SBF2: variants seen among roughly 807,000 people sequenced by gnomAD.
SBF2 encodes the protein SET binding factor 2, also known as myotubularin-related protein 13.
In SBF2, 112 loss-of-function variants were observed where a neutral mutation model predicts 225.2. The observed-to-expected ratio is 0.50, with a 90% confidence interval of 0.43 to 0.58. SBF2 has a LOEUF of 0.58. SBF2 is among the 20% of genes least tolerant of loss of function. The pLI is 0.00. For synonymous variants in SBF2, 763 were observed against 773.3 expected (o/e 0.99, Z 0.22); for missense variants, 1,996 against 2,206.2 (o/e 0.90, Z 1.91).
In SBF2 at chr11:10,129,086, A is replaced by T. The variant is rs569281864; in HGVS notation, c.141+64816T>A. On this transcript the variant is annotated intron_variant, in intron 2 of 39. Transcript: ENST00000256190. The stretch of plus-strand genomic sequence containing the variant: ...TGAGAAAAATGGTTTTGTTATTTGC[A>T]CGCAATTTTCTCTCTTTTTTTTTTT... Among the ~76,000 whole-genome samples the T allele has an allele frequency of 2.9e-4, 42 of 144,738 alleles. 1 individual carries two copies. The East Asian group carries it at 8.5e-3, about 29-fold the overall frequency. 95.0% of individuals were successfully genotyped at this position (144,738 alleles called of 152,430 possible).
chr11:10,132,530 T>C, intron 2 of SBF2, among the ~76,000 whole-genome samples: 1 of 147,810 alleles, frequency 6.8e-6, no homozygotes, highest in Non-Finnish European at 1.5e-5. Flanking sequence ...GTGTTACAGC[T>C]CTTAAGGCAG....
chr11:10,291,831 T>C (rs917622096), intron 1 of SBF2, among the ~76,000 whole-genome samples: 6 of 152,216 alleles, frequency 3.9e-5, no homozygotes, highest in Non-Finnish European at 7.3e-5. Context: ...ATTACTTATA[T>C]CAAGTAATCA....
At chr11:9,894,772 G>C (rs1468146183) in intron 17 of SBF2, among the ~76,000 whole-genome samples, 1 of 152,124 alleles carries the variant, frequency 6.6e-6, no homozygotes, top group Admixed American at 6.5e-5. Context: ...CCTGAGGTCA[G>C]GAGTTTGAGA....
At chr11:10,038,484 T>C (rs1949530854) in intron 3 of SBF2, among the ~76,000 whole-genome samples, 1 of 152,022 alleles carries the variant, frequency 6.6e-6, no homozygotes, top group Non-Finnish European at 1.5e-5. Context: ...TTAGCTCTTA[T>C]TAAAATGTCC....
At chr11:9,940,330 GGGAGGC>G (rs1865177483) in intron 16 of SBF2, among the ~76,000 whole-genome samples, 1 of 152,132 alleles carries the variant, frequency 6.6e-6, no homozygotes, top group Admixed American at 6.5e-5. Flanking sequence ...GTGTGAACCT[GGGAGGC>G]GGAGCTTGCA....
intron 2 of SBF2, among the ~76,000 whole-genome samples, chr11:10,146,707 G>C (rs954918723): frequency 6.6e-6 from 1 of 151,956 alleles, no homozygotes; most frequent in Non-Finnish European, 1.5e-5. Context: ...TGCAACAAAA[G>C]AAAAATTGAC....
At chr11:10,052,202 A>G (rs906812247) in intron 2 of SBF2, among the ~76,000 whole-genome samples, 4 of 152,056 alleles carry the variant, frequency 2.6e-5, no homozygotes, top group Non-Finnish European at 4.4e-5. Flanking sequence ...AAATGTTTAG[A>G]ATCGACTGTC....
intron 2 of SBF2, among the ~76,000 whole-genome samples, chr11:10,082,518 G>A (rs991063364): frequency 3.3e-5 from 5 of 152,012 alleles, no homozygotes; most frequent in Non-Finnish European, 5.9e-5. Flanking sequence ...TCAACAGCAC[G>A]TCAAAAGGAT....
intron 32 of SBF2, among the ~76,000 whole-genome samples, chr11:9,804,928 A>C (rs1853711127): frequency 6.6e-6 from 1 of 152,122 alleles, no homozygotes; most frequent in African/African-American, 2.4e-5. Flanking sequence ...GAATCTGGCA[A>C]CCAATAATTT....
chr11:10,181,014 A>G (rs1293216688), intron 2 of SBF2, among the ~76,000 whole-genome samples: 1 of 151,946 alleles, frequency 6.6e-6, no homozygotes, highest in African/African-American at 2.4e-5. Flanking sequence ...AAAGCTGCCA[A>G]CTCTCTAAGC....
At chr11:9,984,809 A>C (rs896512921) in intron 13 of SBF2, among the ~76,000 whole-genome samples, 2 of 152,214 alleles carry the variant, frequency 1.3e-5, no homozygotes, top group African/African-American at 2.4e-5. Context: ...ATCAGCCAAG[A>C]ATTTTGTATC....
chr11:9,799,412 G>A (rs769014742), intron 32 of SBF2, among the ~76,000 whole-genome samples: 4 of 152,202 alleles, frequency 2.6e-5, no homozygotes, highest in Non-Finnish European at 4.4e-5. Context: ...TGTGCCACAG[G>A]AGCACCTGCA....
At chr11:10,219,711 T>C (rs1230533295) in intron 1 of SBF2, among the ~76,000 whole-genome samples, 2 of 152,206 alleles carry the variant, frequency 1.3e-5, no homozygotes, top group Admixed American at 6.5e-5. Context: ...TGGTTCAAAG[T>C]TCCACAGACC....
intron 28 of SBF2, among the ~76,000 whole-genome samples, chr11:9,822,265 T>TTC (rs1403951508): frequency 6.7e-6 from 1 of 149,404 alleles, no homozygotes; most frequent in Non-Finnish European, 1.5e-5. Context: ...ACTCTTTTTT[T>TTC]TTTTTTTTTT....
chr11:10,001,525 TA>T (rs1318114898), intron 7 of SBF2, among the ~76,000 whole-genome samples: 56 of 151,230 alleles, frequency 3.7e-4, no homozygotes, highest in African/African-American at 1.3e-3. Context: ...AAATTAAAAA[TA>T]AATTTTTTTT....
At chr11:9,808,410 G>C (rs1011878876) in intron 31 of SBF2, 1 of 583,460 alleles carries the variant, frequency 1.7e-6, no homozygotes, top group African/African-American at 1.9e-5. Context: ...TCAGGGAATT[G>C]AGACTTTAAT....
chr11:10,258,485 T>C (rs932034694), intron 1 of SBF2, among the ~76,000 whole-genome samples: 2 of 152,312 alleles, frequency 1.3e-5, no homozygotes, highest in East Asian at 3.9e-4. Context: ...TCACAGGCCA[T>C]TGCCTGGAAC....
chr11:9,967,957 CTCTCTCTCTCTCTCTATATATA>C (rs1250189372), intron 14 of SBF2, among the ~76,000 whole-genome samples: 1 of 115,468 alleles, frequency 8.7e-6, no homozygotes, highest in Non-Finnish European at 1.8e-5. Flanking sequence ...GTCTCTCTCT[CTCTCTCTCTCTCTCTATATATA>C]TATATATATA....
chr11:9,968,947 T>G (rs903478306), intron 13 of SBF2, among the ~76,000 whole-genome samples: 1 of 152,136 alleles, frequency 6.6e-6, no homozygotes, highest in Non-Finnish European at 1.5e-5. Flanking sequence ...AATTCACAAG[T>G]TTTTTTCTTT....
Sources: gnomAD v4.1 joint callset for allele counts (sites outside exome capture counted in the v4.1 genomes callset) on GRCh38, gnomAD v4.1.1 for gene constraint, MANE v1.5 for transcripts, NCBI Gene and HGNC (gene_info 2026-07-23, HGNC 2026-07-21) for gene names.